The following ANK3 variants were observed in gnomAD, a reference collection of about 807,000 sequenced individuals.
The protein encoded by ANK3 is ankyrin 3, also known as ankyrin-3.
In ANK3, 57 loss-of-function variants were observed where a neutral mutation model predicts 370.9. That is an observed-to-expected ratio of 0.15 (90% confidence interval 0.12 to 0.19). The LOEUF (loss-of-function observed/expected upper bound fraction) is 0.19. Among genes scored for constraint, ANK3 ranks in the 10% least tolerant of loss-of-function variants. The probability of loss-of-function intolerance (pLI) is 1.00; values close to 1 mark genes in which losing one functional copy is unlikely to be tolerated. For synonymous variants in ANK3, 1,929 were observed against 1,946.3 expected, an observed-to-expected ratio of 0.99 and a Z score of 0.23; for missense variants, 4,439 against 5,302.1, an observed-to-expected ratio of 0.84 and a Z score of 5.06.
At chr10:60,175,846 A>C (rs1253242281) in intron 18 of ANK3, among the ~76,000 whole-genome samples, 7 of 152,188 alleles carry the variant, frequency 4.6e-5, no homozygotes, top group African/African-American at 1.7e-4. Flanking sequence ...ACATTGGCTT[A>C]TGCATTATAA....
chr10:60,526,591 G>A (rs2076477164), intron 2 of ANK3, among the ~76,000 whole-genome samples: 1 of 152,070 alleles, frequency 6.6e-6, no homozygotes, highest in Non-Finnish European at 1.5e-5. Context: ...CATTGTGGTA[G>A]GAATATATTA....
intron 1 of ANK3, among the ~76,000 whole-genome samples, chr10:60,657,308 G>T (rs573883495): frequency 3.3e-5 from 5 of 152,156 alleles, no homozygotes; most frequent in Non-Finnish European, 7.3e-5. Context: ...CAAGATGTGG[G>T]TGGGGACACA....
At chr10:60,305,321 T>G (rs2044769360) in intron 1 of ANK3, among the ~76,000 whole-genome samples, 1 of 152,012 alleles carries the variant, frequency 6.6e-6, no homozygotes, top group Admixed American at 6.5e-5. Flanking sequence ...GGTCTGTCCC[T>G]CAGATCTTGT....
intron 1 of ANK3, among the ~76,000 whole-genome samples, chr10:60,286,012 T>C (rs2132729434): frequency 6.6e-6 from 1 of 152,306 alleles, no homozygotes; most frequent in Admixed American, 6.5e-5. Flanking sequence ...TTTTTAGTTC[T>C]TTCTCATTTT....
intron 2 of ANK3, among the ~76,000 whole-genome samples, chr10:60,583,507 T>G (rs1160097890): frequency 7.7e-6 from 1 of 129,782 alleles, no homozygotes; most frequent in Non-Finnish European, 1.7e-5. Context: ...CAGAGAGGTT[T>G]TTTGTTTTTT....
At chr10:60,685,750 A>G (rs1196969828) in intron 1 of ANK3, among the ~76,000 whole-genome samples, 3 of 152,210 alleles carry the variant, frequency 2.0e-5, no homozygotes, top group Non-Finnish European at 4.4e-5. Flanking sequence ...CTGAGGATTC[A>G]TTTCCATAAG....
intron 1 of ANK3, among the ~76,000 whole-genome samples, chr10:60,362,787 G>A (rs2058805631): frequency 6.6e-6 from 1 of 152,092 alleles, no homozygotes; most frequent in Admixed American, 6.5e-5. Flanking sequence ...CAGGTACCAT[G>A]GGCGGTGATG....
At chr10:60,292,953 C>T (rs1226533856) in intron 1 of ANK3, among the ~76,000 whole-genome samples, 2 of 152,328 alleles carry the variant, frequency 1.3e-5, no homozygotes, top group East Asian at 1.9e-4. Context: ...AGGTGATCCA[C>T]CTGCCTTGGC....
chr10:60,692,571 T>A (rs2133404696), intron 1 of ANK3, among the ~76,000 whole-genome samples: 1 of 152,304 alleles, frequency 6.6e-6, no homozygotes, highest in African/African-American at 2.4e-5. Context: ...CCAATAAAAG[T>A]GCAAACCTCT....
At chr10:60,318,414 A>C (rs1274873828) in intron 1 of ANK3, among the ~76,000 whole-genome samples, 4 of 152,244 alleles carry the variant, frequency 2.6e-5, no homozygotes, top group African/African-American at 4.8e-5. Flanking sequence ...AATTTCCAAG[A>C]TCAGACTCTC....
Position 60,069,349 on chromosome 10 carries a change from C to T in ANK3, c.11532G>A (p.Gln3844=). 1 of 1,614,020 alleles carries T rather than the reference C, an allele frequency of 6.2e-7. No individual in the cohort carries two copies. The highest frequency in any genetic ancestry group is 2.2e-5 in the East Asian group (1 of 44,874). Residue 3844 remains glutamine, a synonymous_variant, in exon 37 of 44, where the codon CAG becomes CAA. Coordinates refer to ENST00000280772, the MANE Select transcript of ANK3 (RefSeq NM_020987.5). ...TTTTTTGCTGTTCTCCAAGAACTTT[C>T]TGCTTATCTCTTACACAGTGTCCTT... ...VLQGHCVRDK[Q]KVLGEQQKTK... is the part of the protein sequence containing the mutation.
chr10:60,168,362 C>A (rs2095680917), intron 21 of ANK3, among the ~76,000 whole-genome samples: 1 of 152,132 alleles, frequency 6.6e-6, no homozygotes, highest in Non-Finnish European at 1.5e-5. Flanking sequence ...GAAAATATCA[C>A]AATTAATGAA....
At chr10:60,194,669 T>C (rs1383809598) in intron 16 of ANK3, among the ~76,000 whole-genome samples, 2 of 152,232 alleles carry the variant, frequency 1.3e-5, no homozygotes, top group Admixed American at 1.3e-4. Flanking sequence ...AATATTTGCA[T>C]TGTTTCCACC....
chr10:60,032,204 T>C (rs2073806405), intron 43 of ANK3, among the ~76,000 whole-genome samples: 1 of 119,662 alleles, frequency 8.4e-6, no homozygotes, highest in African/African-American at 3.0e-5. Context: ...CTTTTTTTTT[T>C]TTTTTTTTTT....
chr10:60,439,399 C>T lies in ANK3; in HGVS notation c.97-159760G>A, dbSNP rs933414680. Among the ~76,000 whole-genome samples, 12 of 152,084 alleles carry T rather than the reference C, an allele frequency of 7.9e-5. No homozygotes were observed. The South Asian group carries it at 1.0e-3, about 13-fold the overall frequency. ...TAGGCTGGGTACAGTGGCTCATGCC[C>T]GTAATCCCAGTACTTTGGGAGGCCA... is the stretch of plus-strand genomic sequence containing the variant. On this transcript the variant is annotated intron_variant, in intron 2 of 43. Transcript: ENST00000373827.
chr10:60,733,298 A>AGGAGGAGGC (rs752729808), exon 1 of ANK3: 92 of 1,237,598 alleles, frequency 7.4e-5, no homozygotes, highest in Admixed American at 1.7e-4. Flanking sequence ...CCCGCGGGAG[A>AGGAGGAGGC]GGAGGAGGCG....
chr10:60,424,834 G>C (rs2063848122), intron 2 of ANK3, among the ~76,000 whole-genome samples: 1 of 151,792 alleles, frequency 6.6e-6, no homozygotes, highest in Admixed American at 6.6e-5. Context: ...GTGGTTGCAG[G>C]GATTACATGA....
chr10:60,508,013 A>T (rs2075983902), intron 2 of ANK3: 1 of 152,134 alleles, frequency 6.6e-6, no homozygotes, highest in Non-Finnish European at 1.5e-5. Context: ...AGAACTGTGA[A>T]TTTTTTTAAA....
chr10:60,470,851 A>G (rs1236370479), intron 2 of ANK3, among the ~76,000 whole-genome samples: 1 of 152,168 alleles, frequency 6.6e-6, no homozygotes, highest in Non-Finnish European at 1.5e-5. Flanking sequence ...CAGAGAGAAC[A>G]AAACTTGAAA....
Sources: allele counts gnomAD v4.1 joint callset (sites outside exome capture counted in the v4.1 genomes callset), GRCh38; gene constraint gnomAD v4.1.1; transcripts MANE v1.5; gene names NCBI Gene and HGNC (gene_info 2026-07-23, HGNC 2026-07-21).